Variants in ARHGAP15 observed in about 807,000 individuals in gnomAD.
The protein encoded by ARHGAP15 is rho GTPase-activating protein 15.
A neutral mutation model predicts 63.7 loss-of-function variants in ARHGAP15; 51 were observed. That is an observed-to-expected ratio of 0.80 (90% CI 0.64 to 1.01). The LOEUF (loss-of-function observed/expected upper bound fraction) is 1.01, where lower values mean the gene tolerates loss of function less well. Ranked by LOEUF, ARHGAP15 falls within the 50% of genes least tolerant of loss-of-function variation. The pLI is 0.00. For synonymous variants in ARHGAP15, 191 were observed against 193.8 expected (o/e 0.99, Z 0.12); for missense variants, 560 against 564.6 (o/e 0.99, Z 0.08).
At chr2:143,421,166 C>T (rs890646230) in intron 6 of ARHGAP15, among the ~76,000 whole-genome samples, 39 of 152,110 alleles carry the variant, frequency 2.6e-4, no homozygotes, top group Admixed American at 2.4e-3. Flanking sequence ...GGAACTCTTG[C>T]TTTAAGGTAT....
chr2:143,727,042 C>T (rs1203172762), intron 13 of ARHGAP15, among the ~76,000 whole-genome samples: 2 of 152,152 alleles, frequency 1.3e-5, no homozygotes, highest in African/African-American at 4.8e-5. Flanking sequence ...CTGCCCTAAC[C>T]TCTTCCAGCC....
intron 6 of ARHGAP15, among the ~76,000 whole-genome samples, chr2:143,381,528 TTTAC>T (rs1195758922): frequency 6.6e-6 from 1 of 152,124 alleles, no homozygotes; most frequent in Non-Finnish European, 1.5e-5. Flanking sequence ...CCAGTTTGGA[TTTAC>T]TTTTCATTTT....
rs146504582 is a variant in ARHGAP15, at chr2:143,476,410, TTAA to T, written c.704-10956_704-10954del. On this transcript the variant is annotated intron_variant, in intron 8 of 13. Coordinates refer to ENST00000295095, the MANE Select transcript of ARHGAP15 (RefSeq NM_018460.4). The stretch of plus-strand genomic sequence containing the variant: ...AAGAAAGGCACAATGCAAATTCAAA[TTAA>T]TAATAAAACTGTACAATATGTAGCA... Among the ~76,000 whole-genome samples the T allele has an allele frequency of 1.2e-3, 176 of 152,286 alleles. 1 individual carries two copies. The highest frequency in any genetic ancestry group is 1.6e-3 in the Non-Finnish European group (106 of 68,014).
chr2:143,754,742 C>T (rs138748051), intron 13 of ARHGAP15, among the ~76,000 whole-genome samples: 2 of 152,290 alleles, frequency 1.3e-5, no homozygotes, highest in East Asian at 3.9e-4. Flanking sequence ...TAGACCCTCC[C>T]TCCCCAAGTC....
At chr2:143,716,306 CAG>C (rs1320246028) in intron 13 of ARHGAP15, among the ~76,000 whole-genome samples, 2 of 152,192 alleles carry the variant, frequency 1.3e-5, no homozygotes, top group African/African-American at 4.8e-5. Context: ...GACCACCCAT[CAG>C]TGATGGGTGG....
At chr2:143,450,587 G>T (rs1424005990) in intron 8 of ARHGAP15, among the ~76,000 whole-genome samples, 2 of 151,816 alleles carry the variant, frequency 1.3e-5, no homozygotes, top group Non-Finnish European at 2.9e-5. Context: ...CACAGTTTGG[G>T]AGTATATATT....
chr2:143,132,782 A>G (rs139940005), intron 1 of ARHGAP15, among the ~76,000 whole-genome samples: 1 of 152,366 alleles, frequency 6.6e-6, no homozygotes, highest in African/African-American at 2.4e-5. Context: ...CATTTTAAAC[A>G]GTCATTATTT....
At chr2:143,539,398 T>C (rs1213831865) in intron 10 of ARHGAP15, among the ~76,000 whole-genome samples, 3 of 152,166 alleles carry the variant, frequency 2.0e-5, no homozygotes, top group African/African-American at 4.8e-5. Context: ...GCTCTGATCT[T>C]AGTTATTTCT....
At chr2:143,595,767 A>G (rs1388823816) in intron 11 of ARHGAP15, among the ~76,000 whole-genome samples, 1 of 152,094 alleles carries the variant, frequency 6.6e-6, no homozygotes, top group African/African-American at 2.4e-5. Context: ...TCTGAGATGC[A>G]TATTTCCCAT....
chr2:143,523,111 A>G (rs954503293), intron 10 of ARHGAP15, among the ~76,000 whole-genome samples: 4 of 152,192 alleles, frequency 2.6e-5, no homozygotes, highest in Non-Finnish European at 5.9e-5. Flanking sequence ...GACACCTTGT[A>G]AGTACTCAAT....
chr2:143,352,259 C>A (rs1685606350), intron 6 of ARHGAP15, among the ~76,000 whole-genome samples: 1 of 152,066 alleles, frequency 6.6e-6, no homozygotes, highest in Non-Finnish European at 1.5e-5. Context: ...AAAGAGCTTT[C>A]TTTATGTACT....
Position 143,747,034 on chromosome 2 carries a change from GA to G in ARHGAP15, c.1245-20954del, listed in dbSNP as rs772547895. Among the ~76,000 whole-genome samples the G allele has an allele frequency of 2.6e-5, 4 of 152,004 alleles. No individual in the cohort carries two copies. The South Asian group carries it at 6.2e-4, about 24-fold the overall frequency. ...TTTTGTTAATAGATTTTTCAAACCA[GA>G]TTTAGGTTTAAAAAACTGATCAGAA... is the stretch of plus-strand genomic sequence containing the variant. On this transcript the variant is annotated intron_variant, in intron 13 of 13. Transcript: ENST00000295095.
At chr2:143,475,370 C>T (rs1186398402) in intron 8 of ARHGAP15, among the ~76,000 whole-genome samples, 3 of 152,240 alleles carry the variant, frequency 2.0e-5, no homozygotes, top group South Asian at 2.1e-4. Context: ...TTTTTCAATA[C>T]ACTTCCTGTG....
intron 2 of ARHGAP15, among the ~76,000 whole-genome samples, chr2:143,173,504 A>G (rs1160221077): frequency 6.6e-6 from 1 of 152,098 alleles, no homozygotes; most frequent in African/African-American, 2.4e-5. Context: ...ATGTCTGGAA[A>G]ATGATAACTG....
At chr2:143,513,044 T>C (rs983615630) in intron 9 of ARHGAP15, among the ~76,000 whole-genome samples, 6 of 152,216 alleles carry the variant, frequency 3.9e-5, no homozygotes, top group South Asian at 2.1e-4. Flanking sequence ...CAAGTTCACC[T>C]GAGATACTAG....
At chr2:143,373,857 A>T (rs1686687706) in intron 6 of ARHGAP15, among the ~76,000 whole-genome samples, 1 of 152,150 alleles carries the variant, frequency 6.6e-6, no homozygotes. Context: ...ATATTAATAA[A>T]GTTCTATGTC....
chr2:143,211,926 C>A (rs2105134744), intron 3 of ARHGAP15, among the ~76,000 whole-genome samples: 1 of 152,290 alleles, frequency 6.6e-6, no homozygotes, highest in Middle Eastern at 3.4e-3. Flanking sequence ...AACTTAAATA[C>A]ATCAGCAGAG....
chr2:143,614,068 G>A (rs190021716), intron 11 of ARHGAP15, among the ~76,000 whole-genome samples: 8 of 152,204 alleles, frequency 5.3e-5, no homozygotes, highest in East Asian at 1.9e-4. Context: ...ATTCCTTGGC[G>A]TGATTGTTAC....
intron 11 of ARHGAP15, among the ~76,000 whole-genome samples, chr2:143,617,428 C>G (rs994475557): frequency 6.6e-6 from 1 of 152,118 alleles, no homozygotes; most frequent in Non-Finnish European, 1.5e-5. Flanking sequence ...ATTAAGGTAT[C>G]GGTAAGTTGA....
Sources: allele counts gnomAD v4.1 joint callset (sites outside exome capture counted in the v4.1 genomes callset), GRCh38; gene constraint gnomAD v4.1.1; transcripts MANE v1.5; gene names NCBI Gene and HGNC (gene_info 2026-07-23, HGNC 2026-07-21).